Variants in WDR43 observed in about 807,000 individuals in gnomAD.
WDR43 encodes the protein WD repeat domain 43.
WDR43 carries 13 observed loss-of-function variants against 91.4 expected under a neutral mutation model. That is an observed-to-expected ratio of 0.14 (90% CI 0.09 to 0.23). The LOEUF is 0.23. Ranked by LOEUF, WDR43 falls within the 10% of genes least tolerant of loss-of-function variation. The pLI is 1.00. For synonymous variants in WDR43, 331 were observed against 287.9 expected (o/e 1.15, Z -1.51); for missense variants, 780 against 809.4 (o/e 0.96, Z 0.44).
intron 4 of WDR43, 127 bp downstream of exon 4, chr2:28,912,837 T>C (rs777561881): frequency 3.8e-6 from 5 of 1,301,074 alleles, no homozygotes; most frequent in South Asian, 1.6e-5. Context: ...TCAAATAGTT[T>C]AGTGGATAAA....
At position 28,929,610 on chromosome 2, in the gene WDR43, A is replaced by T. The variant is rs892535343; in HGVS notation, c.1337A>T (p.Asp446Val). The T allele has an allele frequency of 6.2e-7, 1 of 1,613,624 alleles. No homozygotes were observed. The highest frequency in any genetic ancestry group is 8.5e-7 in the Non-Finnish European group (1 of 1,179,654). Residue 446 changes from aspartate (D) to valine (V), a missense_variant, in exon 11 of 18, where the codon GAT becomes GTT. By Grantham distance (152) the Asp-to-Val change is radical. This residue lies in a region of WDR43 where 426 missense variants were observed against 467.8 expected (regional missense o/e 0.91). Transcript: ENST00000407426. ...ATTGAAGAACGTCTGGGAGCAATGGATATAGACACACACAAAAAAGGAAAG... is the reference window on the plus strand; with the variant it reads ...ATTGAAGAACGTCTGGGAGCAATGGTTATAGACACACACAAAAAAGGAAAG... ...VSIEERLGAM[D>V]IDTHKKGKED...
intron 1 of WDR43, among the ~76,000 whole-genome samples, chr2:28,900,730 C>G (rs887415365): frequency 6.6e-6 from 1 of 152,104 alleles, no homozygotes; most frequent in Non-Finnish European, 1.5e-5. Context: ...AGACTTTGTA[C>G]TTTGGCTTTT....
chr2:28,910,703 T>G (rs918432824), intron 3 of WDR43, among the ~76,000 whole-genome samples: 1 of 115,742 alleles, frequency 8.6e-6, no homozygotes, highest in Non-Finnish European at 1.8e-5. Flanking sequence ...ATAATTATTA[T>G]TTTTATTTTT....
chr2:28,903,245 G>A (rs569882725), intron 2 of WDR43, among the ~76,000 whole-genome samples: 2 of 151,838 alleles, frequency 1.3e-5, no homozygotes, highest in Non-Finnish European at 2.9e-5. Flanking sequence ...ACCATTTAGG[G>A]GTTTCCAGAT....
At chr2:28,929,510 A>ATTTTTT in intron 10 of WDR43, 69 bp from the exon 11 acceptor site, 8 of 1,233,232 alleles carry the variant, frequency 6.5e-6, no homozygotes, top group Admixed American at 3.6e-5. Context: ...ATTTTATTTT[A>ATTTTTT]TTTTTTTTGT....
intron 3 of WDR43, among the ~76,000 whole-genome samples, chr2:28,908,001 G>C (rs1670718085): frequency 5.3e-5 from 8 of 152,148 alleles, no homozygotes; most frequent in Admixed American, 5.2e-4. Context: ...TAGAGTTTAG[G>C]GGAAGGAGCT....
chr2:28,917,466 A>G (rs1226154287), intron 5 of WDR43, among the ~76,000 whole-genome samples: 1 of 152,236 alleles, frequency 6.6e-6, no homozygotes, highest in Non-Finnish European at 1.5e-5. Context: ...TGAGAAATTG[A>G]CAGACTGATT....
At chr2:28,936,233 T>C (rs1244965808) in intron 12 of WDR43, among the ~76,000 whole-genome samples, 1 of 152,092 alleles carries the variant, frequency 6.6e-6, no homozygotes, top group Non-Finnish European at 1.5e-5. Flanking sequence ...AAACTTGCCC[T>C]ACAAGAGTGG....
chr2:28,917,804 G>A (rs977090521), intron 5 of WDR43, 89 bp from the exon 6 acceptor site: 10 of 1,117,208 alleles, frequency 9.0e-6, no homozygotes, highest in Admixed American at 7.8e-5. Flanking sequence ...AATCTCATGT[G>A]CTGATCTCCA....
At chr2:28,929,536 A>T (rs1026726726) in intron 10 of WDR43, 43 bp from the exon 11 acceptor site, 5 of 1,481,500 alleles carry the variant, frequency 3.4e-6, no homozygotes, top group Admixed American at 2.4e-5. Flanking sequence ...AACTACTTTA[A>T]GTCTTGTCTG....
At position 28,948,083 on chromosome 2, in the gene WDR43, C is replaced by T. The variant is rs1189466195; in HGVS notation, c.*1304C>T. The T allele has an allele frequency of 6.6e-6, 1 of 151,934 alleles. No individual in the cohort carries two copies. Among genetic ancestry groups the T allele is most frequent in the Non-Finnish European group, 1.5e-5 (1 of 67,996 alleles). The allele number at this position is 151,934 out of a possible 1,614,324, so 9.4% of individuals were successfully genotyped here. A position where few individuals can be genotyped will look rare whatever the true frequency, so the allele number is the denominator to read the frequency against. The stretch of plus-strand genomic sequence containing the variant: ...GTGTGCTCATCTTAAGAGCCAGAGC[C>T]ATATAAGCATCTTGGGAAAGCAAGT... On this transcript the variant is annotated 3_prime_UTR_variant, in exon 18 of 18. Transcript: ENST00000407426.
At position 28,947,253 on chromosome 2, in the gene WDR43, A is replaced by ATG. The variant is rs1671560387; in HGVS notation, c.*475_*476dup. 1 of 152,266 alleles carries ATG rather than the reference A, an allele frequency of 6.6e-6. No individual in the cohort carries two copies. The highest frequency in any genetic ancestry group is 2.4e-5 in the African/African-American group (1 of 41,442). The allele number at this position is 152,266 out of a possible 1,614,324, so 9.4% of individuals were successfully genotyped here. A position where few individuals can be genotyped will look rare whatever the true frequency, so the allele number is the denominator to read the frequency against. ...TTAATTTGGTACATTTTCATAAAATATGAAGGGATAACTACAAACTGGAGT... is the reference window on the plus strand; with the variant it reads ...TTAATTTGGTACATTTTCATAAAATATGTGAAGGGATAACTACAAACTGGAGT... On this transcript the variant is annotated 3_prime_UTR_variant, in exon 18 of 18. Coordinates refer to ENST00000407426, the MANE Select transcript of WDR43 (RefSeq NM_015131.3).
chr2:28,944,755 C>T lies in WDR43; in HGVS notation c.1805-1695C>T, dbSNP rs531289078. Among the ~76,000 whole-genome samples, 4 of 152,296 alleles carry T rather than the reference C, an allele frequency of 2.6e-5. No homozygotes were observed. The East Asian group carries it at 7.7e-4, about 29-fold the overall frequency. On this transcript the variant is annotated intron_variant, in intron 16 of 17. Coordinates refer to ENST00000407426, the MANE Select transcript of WDR43 (RefSeq NM_015131.3). ...AAGGGTGGCTTGAACATAAGCTCCG[C>T]GATACTGCAACATTCGATTTGATAA...
At chr2:28,910,263 C>T (rs1670765282) in intron 3 of WDR43, among the ~76,000 whole-genome samples, 1 of 152,132 alleles carries the variant, frequency 6.6e-6, no homozygotes, top group Admixed American at 6.5e-5. Context: ...ATGAAGGAAG[C>T]TTATCAGCCT....
intron 1 of WDR43, 118 bp downstream of exon 1, chr2:28,895,041 C>T (rs1188627964): frequency 1.6e-5 from 17 of 1,084,290 alleles, no homozygotes; most frequent in Non-Finnish European, 2.0e-5. Context: ...GGCCAGAAGG[C>T]TTGGAGGCGG....
chr2:28,933,427 ACTT>A (rs1258690720), intron 11 of WDR43, among the ~76,000 whole-genome samples: 1 of 152,182 alleles, frequency 6.6e-6, no homozygotes, highest in Admixed American at 6.5e-5. Context: ...AAACTACAAA[ACTT>A]CTGGGAAAAA....
chr2:28,895,461 T>G (rs1394299310), intron 1 of WDR43: 2 of 152,402 alleles, frequency 1.3e-5, no homozygotes, highest in Admixed American at 6.5e-5. Flanking sequence ...GACTCTCAAC[T>G]CTTAACTTTT....
rs891732764 is a variant in WDR43 at position 28,925,900 on chromosome 2, G to C, written c.1087-568G>C. ...TGCAGCCATTGTTGACTATTTTTTT[G>C]CATCTTTCCCGATATTGATTAATTA... On this transcript the variant is annotated intron_variant, in intron 8 of 17. Coordinates refer to ENST00000407426, the MANE Select transcript of WDR43 (RefSeq NM_015131.3). Among the ~76,000 whole-genome samples the C allele has an allele frequency of 6.6e-5, 10 of 152,078 alleles. No homozygotes were observed. The East Asian group carries it at 1.9e-3, about 29-fold the overall frequency.
chr2:28,943,998 C>T (rs115833269), intron 16 of WDR43, among the ~76,000 whole-genome samples: 154 of 152,274 alleles, frequency 1.0e-3, no homozygotes, highest in African/African-American at 3.5e-3. Context: ...GTGTGTATCC[C>T]AGTGACCAAT....
Sources: gnomAD v4.1 joint callset for allele counts (sites outside exome capture counted in the v4.1 genomes callset) on GRCh38, gnomAD v4.1.1 for gene constraint, gnomAD v4.1.1 regional missense constraint, MANE v1.5 for transcripts, NCBI Gene and HGNC (gene_info 2026-07-23, HGNC 2026-07-21) for gene names.